IL7R: variants seen among roughly 807,000 people sequenced by gnomAD.
The protein encoded by IL7R is interleukin-7 receptor subunit alpha.
Under a neutral mutation model 47.0 loss-of-function variants are expected in IL7R, and 38 were observed. The observed-to-expected ratio is 0.81, with a 90% CI of 0.62 to 1.06. IL7R has a LOEUF of 1.06. Ranked by LOEUF, IL7R falls within the 50% of genes least tolerant of loss-of-function variation. The probability of loss-of-function intolerance (pLI) is 0.00; values close to 1 mark genes in which losing one functional copy is unlikely to be tolerated. For synonymous variants in IL7R, 221 were observed against 199.8 expected, an observed-to-expected ratio of 1.11 and a Z score of -0.89; for missense variants, 633 against 534.8, an observed-to-expected ratio of 1.18 and a Z score of -1.81.
At chr5:35,864,232 T>C (rs891068136) in intron 2 of IL7R, among the ~76,000 whole-genome samples, 1 of 152,214 alleles carries the variant, frequency 6.6e-6, no homozygotes, top group African/African-American at 2.4e-5. Context: ...TAAGTAGTAA[T>C]TCCACTGTAT....
chr5:35,868,484 A>T (rs1237131573), intron 3 of IL7R, among the ~76,000 whole-genome samples: 1 of 152,212 alleles, frequency 6.6e-6, no homozygotes, highest in Non-Finnish European at 1.5e-5. Context: ...AAGAGACATT[A>T]GGCAGATGGC....
chr5:35,862,223 C>G (rs993881816), intron 2 of IL7R, among the ~76,000 whole-genome samples: 1 of 71,210 alleles, frequency 1.4e-5, no homozygotes, highest in African/African-American at 1.1e-4. Flanking sequence ...TGCACTAAAA[C>G]AGCCATAACA....
In IL7R at chr5:35,876,607, A is replaced by G. The variant is rs202200371; in HGVS notation, c.*121A>G. The G allele has an allele frequency of 2.0e-6, 2 of 1,007,396 alleles. No individual in the cohort carries two copies. Among genetic ancestry groups the G allele is most frequent in the East Asian group, 2.6e-5 (1 of 39,088 alleles). 62.4% of individuals were successfully genotyped at this position (1,007,396 alleles called of 1,614,324 possible). A position where few individuals can be genotyped will look rare whatever the true frequency, so the allele number is the denominator to read the frequency against. ...CAAAATTAGCAAAACCCCACTACAC[A>G]GTCTGCAAGATTCTGAAACATTGCT... On this transcript the variant is annotated 3_prime_UTR_variant, in exon 8 of 8. Coordinates refer to ENST00000303115, the MANE Select transcript of IL7R (RefSeq NM_002185.5).
At chr5:35,868,217 T>C (rs1759986800) in intron 3 of IL7R, among the ~76,000 whole-genome samples, 2 of 152,204 alleles carry the variant, frequency 1.3e-5, no homozygotes, top group South Asian at 2.1e-4. Context: ...CGGAAGGCAA[T>C]CTACTTTACT....
At chr5:35,870,367 G>C (rs1405138244) in intron 3 of IL7R, among the ~76,000 whole-genome samples, 1 of 152,192 alleles carries the variant, frequency 6.6e-6, no homozygotes, top group Non-Finnish European at 1.5e-5. Context: ...TGACAGAGGG[G>C]ACCCCCTGAG....
At chr5:35,863,442 G>T (rs773030962) in intron 2 of IL7R, among the ~76,000 whole-genome samples, 1 of 152,100 alleles carries the variant, frequency 6.6e-6, no homozygotes, top group African/African-American at 2.4e-5. Context: ...AACCATTCTC[G>T]AAAGGACTCA....
In IL7R at chr5:35,877,954, TG is replaced by T. The variant is rs1241897211; in HGVS notation, c.*1470del. 1 of 233,190 alleles carries T rather than the reference TG, an allele frequency of 4.3e-6. No homozygotes were observed. Among genetic ancestry groups the T allele is most frequent in the Non-Finnish European group, 8.5e-6 (1 of 118,082 alleles). 14.4% of individuals were successfully genotyped at this position (233,190 alleles called of 1,614,324 possible). On this transcript the variant is annotated 3_prime_UTR_variant, in exon 8 of 8. Transcript: ENST00000303115. ...AACTAGAGAAGGGGTCATAGGTTCA[TG>T]GTTTTGTTTGAGATTTGTTGCTACT...
chr5:35,862,045 A>G (rs1759833818), intron 2 of IL7R, among the ~76,000 whole-genome samples: 1 of 152,140 alleles, frequency 6.6e-6, no homozygotes, highest in Non-Finnish European at 1.5e-5. Flanking sequence ...GCATCTATTT[A>G]TGGAGTGCTT....
At position 35,873,564 on chromosome 5, in the gene IL7R, A is replaced by T. The variant is rs1486241082; in HGVS notation, c.622A>T (p.Ile208Phe). ...AAMYEIKVRS[I>F]PDHYFKGFWS... ...AATGTATGAGATTAAAGTTCGATCC[A>T]TCCCTGATCACTATTTTAAAGGCTT... is the stretch of plus-strand genomic sequence containing the variant. Residue 208 changes from isoleucine (I) to phenylalanine (F), a missense_variant, in exon 5 of 8, where the codon ATC (isoleucine) becomes TTC (phenylalanine). Ile to Phe is a conservative substitution (Grantham distance 21). Transcript: ENST00000303115. 6.2e-7 allele frequency: 1 copy of T among 1,613,996 alleles called. No individual in the cohort carries two copies. The highest frequency in any genetic ancestry group is 8.5e-7 in the Non-Finnish European group (1 of 1,179,836).
rs370440024 is a variant in IL7R at position 35,876,084 on chromosome 5, T to C, written c.978T>C (p.Asp326=). ...ATGAAGTGGAAGGTTTTCTGCAAGA[T>C]ACGTTTCCTCAGCAACTAGAAGAAT... ...ARDEVEGFLQ[D]TFPQQLEESE... is the part of the protein sequence containing the mutation. The change falls in exon 8 of 8, where the codon GAT becomes GAC. Residue 326 remains aspartate, a synonymous_variant. Coordinates refer to ENST00000303115, the MANE Select transcript of IL7R (RefSeq NM_002185.5). 3.7e-6 allele frequency: 6 copies of C among 1,614,194 alleles called. No individual in the cohort carries two copies. Among genetic ancestry groups the C allele is most frequent in the African/African-American group, 2.7e-5 (2 of 75,058 alleles).
intron 2 of IL7R, among the ~76,000 whole-genome samples, chr5:35,862,784 T>C (rs1580853448): frequency 6.6e-6 from 1 of 152,286 alleles, no homozygotes; most frequent in Non-Finnish European, 1.5e-5. Flanking sequence ...TGTAATTGGA[T>C]ATTTCACACA....
chr5:35,866,220 T>C (rs6891095), intron 2 of IL7R, among the ~76,000 whole-genome samples: 19,875 of 152,176 alleles, frequency 0.13, 1,314 homozygotes, highest in East Asian at 0.14. Context: ...GCAAATTATA[T>C]TGATTAATTT....
intron 2 of IL7R, among the ~76,000 whole-genome samples, chr5:35,862,919 AT>A (rs1192826342): frequency 6.6e-6 from 1 of 152,016 alleles, no homozygotes; most frequent in Non-Finnish European, 1.5e-5. Context: ...CCCCTTCTAT[AT>A]TTATTTATCA....
chr5:35,859,179 G>C (rs1291640209), intron 1 of IL7R, among the ~76,000 whole-genome samples: 2 of 152,200 alleles, frequency 1.3e-5, no homozygotes, highest in African/African-American at 4.8e-5. Context: ...TGCTTTGCCA[G>C]ACTGAGTGGC....
Position 35,871,023 on chromosome 5 carries a change from T to G in IL7R, c.380-33T>G. 2 of 1,599,444 alleles carry G rather than the reference T, an allele frequency of 1.3e-6. 1 individual carries two copies. ...ACTATAATTATTTCCTTGGCTGCCC[T>G]TTAGACAGAATTTATTTCTTTTTCT... is the stretch of plus-strand genomic sequence containing the variant. On this transcript the variant is annotated intron_variant, in intron 3 of 7. Coordinates refer to ENST00000303115, the MANE Select transcript of IL7R (RefSeq NM_002185.5).
chr5:35,873,632 G>A lies in IL7R; in HGVS notation c.690G>A (p.Glu230=). Residue 230 remains glutamate, a synonymous_variant, in exon 5 of 8, where the codon GAG becomes GAA. Transcript: ENST00000303115. ...CAAGTTATTACTTCAGAACTCCAGA[G>A]ATCAATAATAGCTCAGGTAAGGAAT... ...WSPSYYFRTP[E]INNSSGEMDP... 6.2e-7 allele frequency: 1 copy of A among 1,613,980 alleles called. No individual in the cohort carries two copies. Among genetic ancestry groups the A allele is most frequent in the South Asian group, 1.1e-5 (1 of 91,078 alleles).
At position 35,878,917 on chromosome 5, in the gene IL7R, G is replaced by C; in HGVS notation, c.*2431G>C. 3 of 232,862 alleles carry C rather than the reference G, an allele frequency of 1.3e-5. No individual in the cohort carries two copies. The highest frequency in any genetic ancestry group is 2.5e-5 in the Non-Finnish European group (3 of 117,872). 14.4% of individuals were successfully genotyped at this position (232,862 alleles called of 1,614,324 possible). A position where few individuals can be genotyped will look rare whatever the true frequency, so the allele number is the denominator to read the frequency against. ...ATGTTGTTTGGCATATGTTATCTTT[G>C]GAATTTAGTGTCTGAGCCTCTGTCT... is the stretch of plus-strand genomic sequence containing the variant. On this transcript the variant is annotated 3_prime_UTR_variant, in exon 8 of 8. Transcript: ENST00000303115.
At chr5:35,857,407 A>C (rs763479596) in intron 1 of IL7R, among the ~76,000 whole-genome samples, 7 of 152,172 alleles carry the variant, frequency 4.6e-5, no homozygotes, top group Non-Finnish European at 1.0e-4. Context: ...CCTTGTCAGG[A>C]GATCAAACTG....
chr5:35,870,551 A>G (rs1161201348), intron 3 of IL7R, among the ~76,000 whole-genome samples: 1 of 152,214 alleles, frequency 6.6e-6, no homozygotes, highest in Admixed American at 6.5e-5. Flanking sequence ...AATATTCAAA[A>G]GGCAAAGTGG....
Sources: allele counts gnomAD v4.1 joint callset (sites outside exome capture counted in the v4.1 genomes callset), GRCh38; gene constraint gnomAD v4.1.1; transcripts MANE v1.5; gene names NCBI Gene and HGNC (gene_info 2026-07-23, HGNC 2026-07-21).